HPD: variants seen among roughly 807,000 people sequenced by gnomAD.
The protein encoded by HPD is 4-hydroxyphenylpyruvic acid oxidase.
A neutral mutation model predicts 56.9 loss-of-function variants in HPD; 35 were observed. The observed-to-expected ratio is 0.62, with a 90% CI of 0.47 to 0.82. The LOEUF (loss-of-function observed/expected upper bound fraction) is 0.82. Ranked by LOEUF, HPD falls within the 40% of genes least tolerant of loss-of-function variation. The pLI, the probability that HPD is intolerant of heterozygous loss-of-function variation, is 0.00. For synonymous variants in HPD, 186 were observed against 200.2 expected (o/e 0.93, Z 0.60); for missense variants, 442 against 506.8 (o/e 0.87, Z 1.23).
intron 3 of HPD, 25 bp downstream of exon 3, chr12:121,857,732 T>G (rs1878056236): frequency 6.2e-7 from 1 of 1,606,632 alleles, no homozygotes; most frequent in Middle Eastern, 1.7e-4. Flanking sequence ...GTCTGCTCAC[T>G]CCAGCACCTT....
the HPD span, among the ~76,000 whole-genome samples, chr12:121,870,412 G>T: frequency 1.4e-4 from 21 of 151,576 alleles, no homozygotes; most frequent in African/African-American, 5.1e-4. Context: ...GGAGGCTGAG[G>T]CGGGAGAACC....
chr12:121,859,235 CCT>C (rs1214571086), upstream of HPD: 14 of 326,070 alleles, frequency 4.3e-5, no homozygotes, highest in Non-Finnish European at 6.6e-5. Context: ...GCCCCAAAGT[CCT>C]GTTTGCGTCA....
At chr12:121,866,294 C>A (rs1878325670), upstream of HPD, among the ~76,000 whole-genome samples, 1 of 137,896 alleles carries the variant, frequency 7.3e-6, no homozygotes, top group South Asian at 2.2e-4. Context: ...CAGCGAGACT[C>A]CGCCTCAAAA....
chr12:121,877,812 G>A, the HPD span, among the ~76,000 whole-genome samples: 143 of 152,246 alleles, frequency 9.4e-4, no homozygotes, highest in Middle Eastern at 6.8e-3. Context: ...TGCCAACGAG[G>A]GCAGTAACTT....
At position 121,846,863 on chromosome 12, in the gene HPD, G is replaced by A. The variant is rs772253268; in HGVS notation, c.830C>T (p.Ala277Val). 8 of 1,613,718 alleles carry A rather than the reference G, an allele frequency of 5.0e-6. No homozygotes were observed. Among genetic ancestry groups the A allele is most frequent in the African/African-American group, 4.0e-5 (3 of 74,926 alleles). ...IALKTEDIIT[A>V]IRHLRERGLE... ...TCGGACAGGGAAGGGGGTTCTAACC[G>A]CTGTGATGATGTCTTCGGTCTTGAG... Residue 277 changes from alanine to valine, a missense_variant and splice_region_variant, in exon 11 of 14, where the codon GCG becomes GTG. Physicochemically the swap from Ala to Val is moderately conservative, Grantham distance 64. Transcript: ENST00000289004.
intron 2 of HPD, 59 bp from the exon 3 acceptor site, chr12:121,857,878 G>A (rs1260400952): frequency 2.2e-5 from 30 of 1,372,122 alleles, no homozygotes; most frequent in Non-Finnish European, 2.6e-5. Flanking sequence ...GAAAAGTGCG[G>A]GTGGAGTGAT....
At position 121,854,789 on chromosome 12, in the gene HPD, C is replaced by A; in HGVS notation, c.328G>T (p.Ala110Ser). The A allele has an allele frequency of 1.2e-6, 2 of 1,613,240 alleles. No individual in the cohort carries two copies. Among genetic ancestry groups the A allele is most frequent in the Non-Finnish European group, 1.7e-6 (2 of 1,179,200 alleles). Reference sequence around the variant, plus strand: ...ATGATTTTGGCGCCCCGTTCCCGTGCTTTCTGCAGAGAAGATGGGATCGGG... The same window carrying A: ...ATGATTTTGGCGCCCCGTTCCCGTGATTTCTGCAGAGAAGATGGGATCGGG... ...VEDCDYIVQK[A>S]RERGAKIMRE... Residue 110 changes from alanine (A) to serine (S), a missense_variant, in exon 7 of 14, where the codon GCA becomes TCA. Coordinates refer to ENST00000289004, the MANE Select transcript of HPD (RefSeq NM_002150.3).
At chr12:121,855,274 G>A (rs1877951057) in intron 6 of HPD, among the ~76,000 whole-genome samples, 1 of 152,210 alleles carries the variant, frequency 6.6e-6, no homozygotes, top group Admixed American at 6.5e-5. Context: ...TTCTCTAGGT[G>A]AGGACGTTGA....
chr12:121,865,293 G>C (rs1408125934), upstream of HPD, among the ~76,000 whole-genome samples: 1 of 151,356 alleles, frequency 6.6e-6, no homozygotes, highest in African/African-American at 2.4e-5. Flanking sequence ...CTTTGAGACA[G>C]AGTTTCGCTT....
At chr12:121,887,217 TA>T in the HPD span, among the ~76,000 whole-genome samples, 41 of 127,890 alleles carry the variant, frequency 3.2e-4, no homozygotes, top group South Asian at 6.8e-4. Context: ...AATTAATTAT[TA>T]TTTTTTTTTT....
chr12:121,850,039 G>A, intron 7 of HPD: 1 of 492,032 alleles, frequency 2.0e-6, no homozygotes, highest in East Asian at 4.0e-5. Flanking sequence ...TCAGTGCCTG[G>A]CACAGGGGAG....
intron 4 of HPD, 30 bp downstream of exon 4, chr12:121,857,298 T>A: frequency 7.1e-7 from 1 of 1,413,796 alleles, no homozygotes; most frequent in Non-Finnish European, 1.0e-6. Flanking sequence ...CAGGCAGGGG[T>A]TGGGGGCTGT....
At chr12:121,883,533 C>T in the HPD span, among the ~76,000 whole-genome samples, 3 of 151,944 alleles carry the variant, frequency 2.0e-5, no homozygotes, top group Admixed American at 6.6e-5. Context: ...TATTGACAAG[C>T]TCATAATGTA....
chr12:121,865,363 G>A (rs1019634225), upstream of HPD, among the ~76,000 whole-genome samples: 7 of 151,380 alleles, frequency 4.6e-5, no homozygotes, highest in Non-Finnish European at 1.0e-4. Context: ...TCCGCCTCCC[G>A]GGTTCAACCA....
At chr12:121,884,933 G>A in the HPD span, among the ~76,000 whole-genome samples, 1 of 152,194 alleles carries the variant, frequency 6.6e-6, no homozygotes, top group East Asian at 1.9e-4. Flanking sequence ...ATATGGTCCA[G>A]GCTGGAGTGC....
At chr12:121,853,894 G>A (rs568362122) in intron 7 of HPD, among the ~76,000 whole-genome samples, 4 of 151,462 alleles carry the variant, frequency 2.6e-5, no homozygotes, top group Non-Finnish European at 4.4e-5. Flanking sequence ...CTGAGATCAC[G>A]CGACTGCACT....
chr12:121,847,606 C>T (rs186892261), intron 9 of HPD, among the ~76,000 whole-genome samples: 187 of 152,272 alleles, frequency 1.2e-3, no homozygotes, highest in Middle Eastern at 3.4e-3. Flanking sequence ...GACGCAATCT[C>T]GGCTCGCTGC....
At chr12:121,848,977 A>G in intron 9 of HPD, 22 bp downstream of exon 9, 1 of 1,592,534 alleles carries the variant, frequency 6.3e-7, no homozygotes, top group Non-Finnish European at 8.6e-7. Flanking sequence ...CTTCACGCAG[A>G]GGGAGAGGGC....
At chr12:121,856,735 C>A in intron 4 of HPD, 110 bp from the exon 5 acceptor site, 1 of 989,634 alleles carries the variant, frequency 1.0e-6, no homozygotes. Flanking sequence ...AGCACAAGAA[C>A]TCCTGGACCT....
Sources: allele counts gnomAD v4.1 joint callset (sites outside exome capture counted in the v4.1 genomes callset), GRCh38; gene constraint gnomAD v4.1.1; transcripts MANE v1.5; gene names NCBI Gene and HGNC (gene_info 2026-07-23, HGNC 2026-07-21).